GALK2: variants seen among roughly 807,000 people sequenced by gnomAD.
GALK2 encodes galactokinase 2, also known as N-acetylgalactosamine kinase.
GALK2 carries 36 observed loss-of-function variants against 52.4 expected under a neutral mutation model. The ratio of observed to expected loss-of-function variants is 0.69; its 90% confidence interval spans 0.53 to 0.91. GALK2 has a LOEUF of 0.91. Among genes scored for constraint, GALK2 ranks in the 40% least tolerant of loss-of-function variants. GALK2 has a pLI of 0.00. For missense variants in GALK2, 579 were observed against 559.1 expected, an observed-to-expected ratio of 1.04 and a Z score of -0.36; for synonymous variants, 176 against 199.1, an observed-to-expected ratio of 0.88 and a Z score of 0.98.
chr15:49,239,371 ACT>A lies in GALK2; in HGVS notation c.504+5_504+6del. On this transcript the variant is annotated splice_donor_5th_base_variant and intron_variant, in intron 5 of 9. Transcript: ENST00000560031. Reference sequence around the variant, plus strand: ...GCTGGGAAGGAATCTATCCAAGGTAACTACCTTTGATAGGAAACCTCATAGAA... The same window carrying A: ...GCTGGGAAGGAATCTATCCAAGGTAAACCTTTGATAGGAAACCTCATAGAA... 1 of 1,612,296 alleles carries A rather than the reference ACT, an allele frequency of 6.2e-7. No individual in the cohort carries two copies. The highest frequency in any genetic ancestry group is 2.2e-5 in the East Asian group (1 of 44,854).
At chr15:49,351,849 G>A (rs1206931389) in intron 3 of GALK2, among the ~76,000 whole-genome samples, 11 of 152,214 alleles carry the variant, frequency 7.2e-5, no homozygotes, top group Admixed American at 7.2e-4. Context: ...TTAGTCAGTG[G>A]ATGTGGGCTA....
chr15:49,314,958 G>A (rs1008814959), intron 8 of GALK2, among the ~76,000 whole-genome samples: 1 of 152,202 alleles, frequency 6.6e-6, no homozygotes, highest in Admixed American at 6.5e-5. Context: ...ATGGTGTGCT[G>A]GAAGCACAGC....
chr15:49,328,340 C>T lies in GALK2; in HGVS notation c.*181C>T. On this transcript the variant is annotated 3_prime_UTR_variant, in exon 10 of 10. Coordinates refer to ENST00000560031, the MANE Select transcript of GALK2 (RefSeq NM_002044.4). ...CTATGCTTCATAATGATTCTTTTTCCATCTTAAAATATGGTTTTACTATTA... is the reference window on the plus strand; with the variant it reads ...CTATGCTTCATAATGATTCTTTTTCTATCTTAAAATATGGTTTTACTATTA... 1.4e-6 allele frequency: 2 copies of T among 1,428,358 alleles called. No homozygotes were observed. Among genetic ancestry groups the T allele is most frequent in the Middle Eastern group, 5.2e-4 (2 of 3,878 alleles). 88.5% of individuals were successfully genotyped at this position (1,428,358 alleles called of 1,614,324 possible).
upstream of GALK2, among the ~76,000 whole-genome samples, chr15:49,167,759 T>C (rs994294073): frequency 2.0e-5 from 3 of 152,202 alleles, no homozygotes; most frequent in African/African-American, 7.2e-5. Context: ...CCCATAAGGA[T>C]TGTTGGAAAG....
intron 3 of GALK2, among the ~76,000 whole-genome samples, chr15:49,362,054 G>A (rs1267979816): frequency 1.3e-5 from 2 of 152,124 alleles, no homozygotes; most frequent in African/African-American, 4.8e-5. Flanking sequence ...CTTTTGAAAT[G>A]TGTTCATTCA....
At chr15:49,223,225 G>T (rs1305529107) in intron 3 of GALK2, 1 of 152,080 alleles carries the variant, frequency 6.6e-6, no homozygotes, top group East Asian at 1.9e-4. Context: ...CATGGTATCA[G>T]TTGTAATGTC....
chr15:49,170,214 C>G (rs1018491534), upstream of GALK2: 3 of 1,518,876 alleles, frequency 2.0e-6, no homozygotes, highest in Admixed American at 2.1e-5. Flanking sequence ...AGGGCGGGAG[C>G]TGTTTATCTC....
chr15:49,268,399 T>C (rs909118754), intron 5 of GALK2, among the ~76,000 whole-genome samples: 1 of 152,224 alleles, frequency 6.6e-6, no homozygotes, highest in African/African-American at 2.4e-5. Context: ...TTAAAGTCAC[T>C]ATGTCATATG....
chr15:49,211,298 A>C (rs1322511574), intron 2 of GALK2, among the ~76,000 whole-genome samples: 3 of 152,082 alleles, frequency 2.0e-5, no homozygotes, highest in Non-Finnish European at 4.4e-5. Flanking sequence ...AGTTCTCAAA[A>C]AGTTTTGTAT....
chr15:49,257,059 G>T (rs143241217), intron 5 of GALK2, among the ~76,000 whole-genome samples: 1 of 152,190 alleles, frequency 6.6e-6, no homozygotes, highest in South Asian at 2.1e-4. Context: ...TTCCAGGCAG[G>T]GTTGATCCAC....
intron 3 of GALK2, among the ~76,000 whole-genome samples, chr15:49,341,716 G>A (rs1429602969): frequency 6.6e-6 from 1 of 152,122 alleles, no homozygotes; most frequent in African/African-American, 2.4e-5. Flanking sequence ...CATGGTTTTT[G>A]CTGCATCCCA....
chr15:49,228,682 T>TATATATATATATATATATATACATAC (rs1555409030), intron 3 of GALK2, among the ~76,000 whole-genome samples: 2 of 14,556 alleles, frequency 1.4e-4, no homozygotes, highest in Admixed American at 6.4e-4. Context: ...TATATATATA[T>TATATATATATATATATATATACATAC]ATATATTTTT....
chr15:49,319,109 A>T, intron 8 of GALK2: 1 of 368,502 alleles, frequency 2.7e-6, no homozygotes, highest in Non-Finnish European at 5.2e-6. Flanking sequence ...CACCATCATC[A>T]TGCCCAGGTA....
intron 2 of GALK2, among the ~76,000 whole-genome samples, chr15:49,209,450 T>C (rs2088617988): frequency 6.6e-6 from 1 of 152,208 alleles, no homozygotes; most frequent in Non-Finnish European, 1.5e-5. Context: ...TCATTTGGTA[T>C]GACATTAGCT....
intron 3 of GALK2, among the ~76,000 whole-genome samples, chr15:49,352,804 G>C (rs2042441452): frequency 6.6e-6 from 1 of 152,108 alleles, no homozygotes; most frequent in Middle Eastern, 3.2e-3. Context: ...ATCCCAAGCA[G>C]TTCCCTATCT....
intron 1 of GALK2, among the ~76,000 whole-genome samples, chr15:49,175,594 A>G (rs991693034): frequency 1.3e-5 from 2 of 152,174 alleles, no homozygotes; most frequent in African/African-American, 4.8e-5. Context: ...AATTAAGGAC[A>G]TGCCCTTTTC....
intron 4 of GALK2, among the ~76,000 whole-genome samples, chr15:49,238,745 C>G (rs16962169): frequency 6.6e-6 from 1 of 151,978 alleles, no homozygotes; most frequent in Non-Finnish European, 1.5e-5. Context: ...TAAGGCACTC[C>G]TTAGAAACAA....
intron 3 of GALK2, among the ~76,000 whole-genome samples, chr15:49,359,651 CT>C (rs1008646413): frequency 4.6e-5 from 6 of 131,566 alleles, no homozygotes; most frequent in Non-Finnish European, 1.0e-4. Context: ...GGACTGTAAA[CT>C]AGTTCAACCC....
chr15:49,252,118 T>A (rs990017909), intron 5 of GALK2, among the ~76,000 whole-genome samples: 6 of 152,040 alleles, frequency 3.9e-5, no homozygotes, highest in African/African-American at 1.4e-4. Context: ...ATACAAAAAA[T>A]TAGCTGGGTA....
Sources: gnomAD v4.1 joint callset for allele counts (sites outside exome capture counted in the v4.1 genomes callset) on GRCh38, gnomAD v4.1.1 for gene constraint, MANE v1.5 for transcripts, NCBI Gene and HGNC (gene_info 2026-07-23, HGNC 2026-07-21) for gene names.